Variants in SLC9B1 observed in about 807,000 individuals in gnomAD.
SLC9B1 encodes sodium/hydrogen exchanger 9B1.
In SLC9B1, 32 loss-of-function variants were observed where a neutral mutation model predicts 51.7. The observed-to-expected ratio is 0.62, with a 90% CI of 0.47 to 0.83. The LOEUF is 0.83. SLC9B1 is among the 40% of genes least tolerant of loss of function. SLC9B1 has a pLI of 0.00. For synonymous variants in SLC9B1, 145 were observed against 212.7 expected (o/e 0.68, Z 2.77); for missense variants, 406 against 613.2 (o/e 0.66, Z 3.57).
In SLC9B1 at chr4:102,943,499, G is replaced by GTATA. The variant is rs1280200524; in HGVS notation, c.653+1693_653+1694insTATA. ...TATACGTATCTATGTGTATATATGTGTATGTATACACACACACACACACAC... is the reference window on the plus strand; with the variant it reads ...TATACGTATCTATGTGTATATATGTGTATATATGTATACACACACACACACACAC... On this transcript the variant is annotated intron_variant, in intron 6 of 11. Coordinates refer to ENST00000296422, the MANE Select transcript of SLC9B1 (RefSeq NM_139173.4). Among the ~76,000 whole-genome samples, 124 of 81,982 alleles carry GTATA rather than the reference G, an allele frequency of 1.5e-3. 1 individual carries two copies. The highest frequency in any genetic ancestry group is 5.5e-3 in the African/African-American group (121 of 22,144). The allele number at this position is 81,982 out of a possible 152,430, so 53.8% of individuals were successfully genotyped here.
At chr4:102,967,445 C>T (rs938173230) in intron 3 of SLC9B1, among the ~76,000 whole-genome samples, 9 of 152,162 alleles carry the variant, frequency 5.9e-5, no homozygotes, top group African/African-American at 2.2e-4. Context: ...GTATATTTGG[C>T]TTGCAGTTCT....
intron 1 of SLC9B1, among the ~76,000 whole-genome samples, chr4:102,997,059 G>A (rs1740265639): frequency 6.6e-6 from 1 of 151,918 alleles, no homozygotes; most frequent in African/African-American, 2.4e-5. Context: ...CTCCCATAGT[G>A]CTGACAGGCA....
intron 1 of SLC9B1, among the ~76,000 whole-genome samples, chr4:103,005,869 G>A (rs919526037): frequency 6.6e-6 from 1 of 152,110 alleles, no homozygotes; most frequent in Non-Finnish European, 1.5e-5. Flanking sequence ...ATAAAATTAA[G>A]TCAGAAATTA....
At chr4:102,959,835 T>C (rs1243667034) in intron 3 of SLC9B1, among the ~76,000 whole-genome samples, 2 of 152,176 alleles carry the variant, frequency 1.3e-5, no homozygotes, top group East Asian at 3.9e-4. Flanking sequence ...AAAGTAAATA[T>C]CAGTCTACAT....
At chr4:102,896,521 A>T (rs931230892), downstream of SLC9B1, among the ~76,000 whole-genome samples, 13 of 152,192 alleles carry the variant, frequency 8.5e-5, no homozygotes, top group African/African-American at 2.4e-4. Flanking sequence ...TTAACAATTC[A>T]TTTTTAGTAA....
At chr4:102,958,100 C>T (rs1471193598) in intron 3 of SLC9B1, among the ~76,000 whole-genome samples, 5 of 152,100 alleles carry the variant, frequency 3.3e-5, no homozygotes, top group African/African-American at 1.2e-4. Flanking sequence ...GGATATGTGT[C>T]CCTGCCCAAA....
Position 103,008,801 on chromosome 4 carries a change from T to TC in SLC9B1, c.-2+10797_-2+10798insG, listed in dbSNP as rs200393658. Among the ~76,000 whole-genome samples, 1,361 of 143,426 alleles carry TC rather than the reference T, an allele frequency of 9.5e-3. 22 individuals carry two copies. The highest frequency in any genetic ancestry group is 0.032 in the African/African-American group (1,179 of 36,960). The allele number at this position is 143,426 out of a possible 152,430, so 94.1% of individuals were successfully genotyped here. A position where few individuals can be genotyped will look rare whatever the true frequency, so the allele number is the denominator to read the frequency against. On this transcript the variant is annotated intron_variant, in intron 1 of 11. Coordinates refer to ENST00000296422, the MANE Select transcript of SLC9B1 (RefSeq NM_139173.4). ...ATCTAAGGGCTTTAACAGTTTCTTT[T>TC]TTTTTTTTTTTTTTTTGAGACGGAG...
chr4:102,955,843 G>A (rs11729161), intron 3 of SLC9B1, among the ~76,000 whole-genome samples: 36 of 106,812 alleles, frequency 3.4e-4, no homozygotes, highest in South Asian at 3.3e-4. Flanking sequence ...GAAAGAGAGA[G>A]AGAAAGAAAG....
At position 103,016,134 on chromosome 4, in the gene SLC9B1, C is replaced by CAAAA. The variant is rs61227731; in HGVS notation, c.-2+3461_-2+3464dup. ...GGACAACAAGAGCCAAACTCTGTCTCAAAAAAAAAAAAAAAAAAAGGAAAG... is the reference window on the plus strand; with the variant it reads ...GGACAACAAGAGCCAAACTCTGTCTCAAAAAAAAAAAAAAAAAAAAAAAGGAAAG... On this transcript the variant is annotated intron_variant, in intron 1 of 11. Transcript: ENST00000296422. Among the ~76,000 whole-genome samples the CAAAA allele has an allele frequency of 2.5e-3, 126 of 49,626 alleles. 4 individuals are homozygous for CAAAA. Among genetic ancestry groups the CAAAA allele is most frequent in the Middle Eastern group, 0.017 (1 of 58 alleles). The allele number at this position is 49,626 out of a possible 152,430, so 32.6% of individuals were successfully genotyped here.
At chr4:103,000,350 C>A (rs929256914) in intron 1 of SLC9B1, among the ~76,000 whole-genome samples, 1 of 152,132 alleles carries the variant, frequency 6.6e-6, no homozygotes, top group South Asian at 2.1e-4. Flanking sequence ...TGAGGCAAGG[C>A]AAGTTTTCAA....
chr4:102,987,971 G>A (rs1186991620), intron 3 of SLC9B1, among the ~76,000 whole-genome samples: 1 of 152,074 alleles, frequency 6.6e-6, no homozygotes, highest in Non-Finnish European at 1.5e-5. Context: ...ACAGAGTGAT[G>A]ACTTCTAATC....
At chr4:102,903,395 G>T (rs1560917664) in intron 11 of SLC9B1, among the ~76,000 whole-genome samples, 1 of 152,188 alleles carries the variant, frequency 6.6e-6, no homozygotes, top group Admixed American at 6.5e-5. Context: ...CAGAGAGAGT[G>T]CTAAGCACTT....
At chr4:102,958,017 A>T (rs897243713) in intron 3 of SLC9B1, among the ~76,000 whole-genome samples, 1 of 152,184 alleles carries the variant, frequency 6.6e-6, no homozygotes, top group Non-Finnish European at 1.5e-5. Flanking sequence ...GGAGGCTGAG[A>T]TAGAAGTATT....
chr4:102,942,682 T>C (rs1045803796), intron 6 of SLC9B1, among the ~76,000 whole-genome samples: 14 of 152,216 alleles, frequency 9.2e-5, no homozygotes, highest in African/African-American at 3.4e-4. Flanking sequence ...CAACTCAAGA[T>C]GGATCAAAGA....
At chr4:102,886,771 G>A (rs1162621293) in intron 11 of SLC9B1, among the ~76,000 whole-genome samples, 15 of 150,700 alleles carry the variant, frequency 1.0e-4, no homozygotes, top group East Asian at 2.0e-4. Context: ...TATGCACCAC[G>A]CCCAGCTAAC....
At chr4:103,011,222 C>G (rs564108585) in intron 1 of SLC9B1, among the ~76,000 whole-genome samples, 2 of 152,172 alleles carry the variant, frequency 1.3e-5, no homozygotes, top group Non-Finnish European at 2.9e-5. Flanking sequence ...CAAGTAAGTC[C>G]CAAACCCAGC....
Position 102,961,618 on chromosome 4 carries a change from T to C in SLC9B1, c.212-12191A>G, listed in dbSNP as rs568203260. On this transcript the variant is annotated intron_variant, in intron 3 of 11. Coordinates refer to ENST00000296422, the MANE Select transcript of SLC9B1 (RefSeq NM_139173.4). ...CTTTTCCTTTTCTTTCCTTTCTTTT[T>C]CCATTTCCTCCTCCCTTCCTTTGCT... Among the ~76,000 whole-genome samples the C allele has an allele frequency of 1.4e-4, 22 of 152,368 alleles. No homozygotes were observed. In the South Asian group the frequency reaches 4.3e-3, roughly 30 times the overall value.
chr4:103,011,252 C>T (rs1741071704), intron 1 of SLC9B1, among the ~76,000 whole-genome samples: 3 of 152,210 alleles, frequency 2.0e-5, no homozygotes, highest in Admixed American at 2.0e-4. Context: ...AACATTAAAT[C>T]TTGAGACTTG....
At chr4:102,983,098 A>T (rs1739439087) in intron 3 of SLC9B1, among the ~76,000 whole-genome samples, 1 of 152,036 alleles carries the variant, frequency 6.6e-6, no homozygotes, top group South Asian at 2.1e-4. Flanking sequence ...TTTAATCATG[A>T]TTGGGCATTG....
Sources: allele counts gnomAD v4.1 joint callset (sites outside exome capture counted in the v4.1 genomes callset), GRCh38; gene constraint gnomAD v4.1.1; transcripts MANE v1.5; gene names NCBI Gene and HGNC (gene_info 2026-07-23, HGNC 2026-07-21).